Variants in ZNF470 observed in about 807,000 individuals in gnomAD.
ZNF470 encodes the protein zinc finger protein 470, also known as chondrogenesis zinc finger protein 1.
Under a neutral mutation model 13.9 loss-of-function variants are expected in ZNF470, and 13 were observed. The observed-to-expected ratio is 0.94, with a 90% CI of 0.61 to 1.49. ZNF470 has a LOEUF of 1.49. ZNF470 is among the 40% of genes most tolerant of loss of function. The pLI, the probability that ZNF470 is intolerant of heterozygous loss-of-function variation, is 0.00. For synonymous variants in ZNF470, 293 were observed against 282.9 expected (o/e 1.04, Z -0.36); for missense variants, 929 against 857.3 (o/e 1.08, Z -1.04).
chr19:56,573,903 T>C (rs1281683600), intron 3 of ZNF470: 7 of 962,844 alleles, frequency 7.3e-6, no homozygotes, highest in Non-Finnish European at 1.2e-6. Context: ...TTTCCTTTCA[T>C]TTTTTAGGCA....
At chr19:56,574,890 T>C (rs62124115) in intron 5 of ZNF470, among the ~76,000 whole-genome samples, 157 bp downstream of exon 5, 8,939 of 152,314 alleles carry the variant, frequency 0.059, 308 homozygotes, top group Non-Finnish European at 0.081. Flanking sequence ...TAGTGTAACT[T>C]GCCTCCTTTA....
At position 56,577,097 on chromosome 19, in the gene ZNF470, G is replaced by T. The variant is rs752465247; in HGVS notation, c.668G>T (p.Gly223Val). 1.2e-6 allele frequency: 2 copies of T among 1,607,968 alleles called. No individual in the cohort carries two copies. Among genetic ancestry groups the T allele is most frequent in the African/African-American group, 2.7e-5 (2 of 74,442 alleles). Residue 223 changes from glycine to valine, a missense_variant, in exon 6 of 6, where the codon GGA becomes GTA. By Grantham distance (109) the Gly-to-Val change is moderately radical. Transcript: ENST00000330619. Reference sequence around the variant, plus strand: ...GTGAAAAAACACAAGCAAGACCGTGGAGAAAAGAAACTTTTAAAATGTAAT... The same window carrying T: ...GTGAAAAAACACAAGCAAGACCGTGTAGAAAAGAAACTTTTAAAATGTAAT... ...SVVKKHKQDR[G>V]EKKLLKCNDC...
intron 3 of ZNF470, chr19:56,573,845 T>C (rs1486707912): frequency 2.1e-6 from 1 of 473,454 alleles, no homozygotes; most frequent in Non-Finnish European, 2.8e-6. Context: ...TCTCTCCTAA[T>C]ACAAATATAC....
chr19:56,577,121 A>C lies in ZNF470; in HGVS notation c.692A>C (p.Asn231Thr), dbSNP rs1164396895. The change falls in exon 6 of 6, where the codon AAT becomes ACT. Residue 231 changes from asparagine to threonine, a missense_variant. Coordinates refer to ENST00000330619, the MANE Select transcript of ZNF470 (RefSeq NM_001001668.4). ...DRGEKKLLKC[N>T]DCEKIFSKIS... ...GGAGAAAAGAAACTTTTAAAATGTA[A>C]TGACTGTGAGAAAATATTCAGCAAA... 1 of 1,612,558 alleles carries C rather than the reference A, an allele frequency of 6.2e-7. No homozygotes were observed. The highest frequency in any genetic ancestry group is 8.5e-7 in the Non-Finnish European group (1 of 1,179,640).
rs1000986246 is a variant in ZNF470 at position 56,581,143 on chromosome 19, C to T, written c.*2560C>T. 12 of 874,344 alleles carry T rather than the reference C, an allele frequency of 1.4e-5. No individual in the cohort carries two copies. In the Admixed American group the frequency reaches 4.3e-4, roughly 32 times the overall value. The allele number at this position is 874,344 out of a possible 1,614,324, so 54.2% of individuals were successfully genotyped here. A position where few individuals can be genotyped will look rare whatever the true frequency, so the allele number is the denominator to read the frequency against. On this transcript the variant is annotated 3_prime_UTR_variant, in exon 6 of 6. Transcript: ENST00000330619. ...ACAGATATAATAAAGGACTGTAATT[C>T]GTGATATTCAAAGTACTATTACAAA...
At chr19:56,574,781 T>C in intron 5 of ZNF470, 48 bp downstream of exon 5, 1 of 1,538,478 alleles carries the variant, frequency 6.5e-7, no homozygotes. Context: ...CAACATGTTC[T>C]TGTCTCTGAA....
rs2044529818 is a variant in ZNF470, at chr19:56,580,786, A to G, written c.*2203A>G. 1.1e-6 allele frequency: 1 copy of G among 952,172 alleles called. No homozygotes were observed. Among genetic ancestry groups the G allele is most frequent in the African/African-American group, 1.8e-5 (1 of 56,498 alleles). 59.0% of individuals were successfully genotyped at this position (952,172 alleles called of 1,614,324 possible). ...TAATGGCTAGGGGATGGGTAGTCTC[A>G]CCAGAGAATGTGGAGCTTTCAGACT... On this transcript the variant is annotated 3_prime_UTR_variant, in exon 6 of 6. Transcript: ENST00000330619.
intron 5 of ZNF470, 74 bp downstream of exon 5, chr19:56,574,807 CCT>C: frequency 7.6e-7 from 1 of 1,321,138 alleles, no homozygotes; most frequent in African/African-American, 1.5e-5. Flanking sequence ...TTGGAAAACA[CCT>C]CTCAAACTCC....
rs781289330 is a variant in ZNF470, at chr19:56,578,111, G to T, written c.1682G>T (p.Gly561Val). The change falls in exon 6 of 6, where the codon GGT becomes GTT. Residue 561 changes from glycine (G) to valine (V), a missense_variant. Transcript: ENST00000330619. ...HLVQHQRVHTGEKPYECIECG... is the reference protein window; with the variant it reads ...HLVQHQRVHTVEKPYECIECG... ...GTTCAGCACCAGAGAGTTCATACTG[G>T]TGAGAAGCCTTACGAATGTATTGAA... 48 of 1,613,974 alleles carry T rather than the reference G, an allele frequency of 3.0e-5. 2 individuals are homozygous for T. Among genetic ancestry groups the T allele is most frequent in the Non-Finnish European group, 1.7e-6 (2 of 1,180,022 alleles).
intron 2 of ZNF470, 57 bp downstream of exon 2, chr19:56,568,940 A>T (rs1409661617): frequency 6.6e-6 from 1 of 152,196 alleles, no homozygotes; most frequent in East Asian, 1.9e-4. Flanking sequence ...AGGGTTAAAT[A>T]ACTAAATAGT....
Position 56,580,316 on chromosome 19 carries a change from CA to C in ZNF470, c.*1734del. On this transcript the variant is annotated 3_prime_UTR_variant, in exon 6 of 6. Coordinates refer to ENST00000330619, the MANE Select transcript of ZNF470 (RefSeq NM_001001668.4). ...TAACAGAGATCATGGCAGTTATGTTCACTCATATAAATGTTGATTTAGAAGC... is the reference window on the plus strand; with the variant it reads ...TAACAGAGATCATGGCAGTTATGTTCCTCATATAAATGTTGATTTAGAAGC... The C allele has an allele frequency of 3.7e-6, 1 of 272,328 alleles. No homozygotes were observed. Among genetic ancestry groups the C allele is most frequent in the Non-Finnish European group, 5.6e-6 (1 of 178,564 alleles). 16.9% of individuals were successfully genotyped at this position (272,328 alleles called of 1,614,324 possible). A position where few individuals can be genotyped will look rare whatever the true frequency, so the allele number is the denominator to read the frequency against.
chr19:56,573,839 T>A (rs1210758629), intron 3 of ZNF470: 1 of 417,492 alleles, frequency 2.4e-6, no homozygotes, highest in African/African-American at 2.2e-5. Context: ...TGTTCTTCTC[T>A]CCTAATACAA....
intron 3 of ZNF470, among the ~76,000 whole-genome samples, chr19:56,572,564 G>A (rs943206578): frequency 1.6e-4 from 23 of 141,214 alleles, no homozygotes; most frequent in African/African-American, 6.2e-4. Flanking sequence ...AAAAAAAGTA[G>A]CAGTCAGATT....
intron 5 of ZNF470, among the ~76,000 whole-genome samples, chr19:56,576,290 C>T (rs1346635767): frequency 6.6e-6 from 1 of 151,956 alleles, no homozygotes; most frequent in African/African-American, 2.4e-5. Flanking sequence ...AACTGCCTCC[C>T]CCAAGAAAAG....
Position 56,580,809 on chromosome 19 carries a change from ACT to A in ZNF470, c.*2230_*2231del. 1 of 981,860 alleles carries A rather than the reference ACT, an allele frequency of 1.0e-6. No homozygotes were observed. Among genetic ancestry groups the A allele is most frequent in the Non-Finnish European group, 1.2e-6 (1 of 827,182 alleles). The allele number at this position is 981,860 out of a possible 1,614,324, so 60.8% of individuals were successfully genotyped here. On this transcript the variant is annotated 3_prime_UTR_variant, in exon 6 of 6. Transcript: ENST00000330619. Reference sequence around the variant, plus strand: ...TCACCAGAGAATGTGGAGCTTTCAGACTCTCCTTATATATGATAAAAAGGATT... The same window carrying A: ...TCACCAGAGAATGTGGAGCTTTCAGACTCCTTATATATGATAAAAAGGATT...
chr19:56,568,819 A>G lies in ZNF470; in HGVS notation c.-97A>G, dbSNP rs558830132. 2 of 152,314 alleles carry G rather than the reference A, an allele frequency of 1.3e-5. No homozygotes were observed. Among genetic ancestry groups the G allele is most frequent in the African/African-American group, 2.4e-5 (1 of 41,576 alleles). The allele number at this position is 152,314 out of a possible 1,614,324, so 9.4% of individuals were successfully genotyped here. A position where few individuals can be genotyped will look rare whatever the true frequency, so the allele number is the denominator to read the frequency against. On this transcript the variant is annotated 5_prime_UTR_variant, in exon 2 of 6. Transcript: ENST00000330619. ...CTAGCAAGTGGAAGAACCGGGATTC[A>G]GATCCAGAACAGGCTGACTCCAGAG...
At position 56,578,703 on chromosome 19, in the gene ZNF470, T is replaced by G. The variant is rs2044512913; in HGVS notation, c.*120T>G. 7.7e-7 allele frequency: 1 copy of G among 1,306,610 alleles called. No individual in the cohort carries two copies. The highest frequency in any genetic ancestry group is 3.0e-5 in the South Asian group (1 of 33,346). 80.9% of individuals were successfully genotyped at this position (1,306,610 alleles called of 1,614,324 possible). A position where few individuals can be genotyped will look rare whatever the true frequency, so the allele number is the denominator to read the frequency against. On this transcript the variant is annotated 3_prime_UTR_variant, in exon 6 of 6. Coordinates refer to ENST00000330619, the MANE Select transcript of ZNF470 (RefSeq NM_001001668.4). ...CTGCAGTAGCATAACTGTTGCCCCT[T>G]TTGCTTCTATCAACTACATGTTTAA...
rs1308547359 is a variant in ZNF470 at position 56,567,573 on chromosome 19, G to T, written c.-624G>T. Reference sequence around the variant, plus strand: ...GCCGAGGCTGGACTGGGGCGCGGCGGGGGCGGTGTCCTGGTTCCTGTGTGG... The same window carrying T: ...GCCGAGGCTGGACTGGGGCGCGGCGTGGGCGGTGTCCTGGTTCCTGTGTGG... On this transcript the variant is annotated 5_prime_UTR_variant, in exon 1 of 6. Coordinates refer to ENST00000330619, the MANE Select transcript of ZNF470 (RefSeq NM_001001668.4). The T allele has an allele frequency of 2.0e-6, 2 of 987,070 alleles. No homozygotes were observed. The highest frequency in any genetic ancestry group is 2.4e-6 in the Non-Finnish European group (2 of 831,548). 61.1% of individuals were successfully genotyped at this position (987,070 alleles called of 1,614,324 possible). A position where few individuals can be genotyped will look rare whatever the true frequency, so the allele number is the denominator to read the frequency against.
intron 3 of ZNF470, among the ~76,000 whole-genome samples, chr19:56,571,035 T>TG (rs1454515680): frequency 6.6e-6 from 1 of 152,104 alleles, no homozygotes; most frequent in African/African-American, 2.4e-5. Context: ...CAGGAAGGGT[T>TG]GGGGGGACTT....
Sources: gnomAD v4.1 joint callset for allele counts (sites outside exome capture counted in the v4.1 genomes callset) on GRCh38, gnomAD v4.1.1 for gene constraint, MANE v1.5 for transcripts, NCBI Gene and HGNC (gene_info 2026-07-23, HGNC 2026-07-21) for gene names.